KCNK9: variants seen among roughly 807,000 people sequenced by gnomAD.
KCNK9 encodes the protein potassium two pore domain channel subfamily K member 9, also known as potassium channel subfamily K member 9.
KCNK9 carries 1 observed loss-of-function variant against 10.8 expected under a neutral mutation model. The observed-to-expected ratio is 0.09, with a 90% CI of 0.03 to 0.44. The LOEUF (loss-of-function observed/expected upper bound fraction) is 0.44. Among genes scored for constraint, KCNK9 ranks in the 20% least tolerant of loss-of-function variants. The pLI, the probability that KCNK9 is intolerant of heterozygous loss-of-function variation, is 0.97. For missense variants in KCNK9, 303 were observed against 515.0 expected, an observed-to-expected ratio of 0.59 and a Z score of 3.98; for synonymous variants, 231 against 222.7, an observed-to-expected ratio of 1.04 and a Z score of -0.33.
chr8:139,620,035 C>A (rs1164300153), intron 1 of KCNK9, among the ~76,000 whole-genome samples: 2 of 152,206 alleles, frequency 1.3e-5, no homozygotes, highest in East Asian at 3.8e-4. Context: ...CAAGTCAAGA[C>A]TGTATTTCCT....
chr8:139,676,690 C>A (rs1363289194), intron 1 of KCNK9, among the ~76,000 whole-genome samples: 4 of 152,196 alleles, frequency 2.6e-5, no homozygotes, highest in Non-Finnish European at 5.9e-5. Context: ...GTGGCTCACA[C>A]CTGTAATCCC....
intron 1 of KCNK9, among the ~76,000 whole-genome samples, chr8:139,659,393 T>C (rs1479376111): frequency 6.6e-6 from 1 of 152,206 alleles, no homozygotes; most frequent in Non-Finnish European, 1.5e-5. Flanking sequence ...TCAGACACAT[T>C]GATTAAAAAT....
intron 1 of KCNK9, among the ~76,000 whole-genome samples, chr8:139,654,051 C>T (rs971851548): frequency 6.6e-6 from 1 of 152,368 alleles, no homozygotes; most frequent in South Asian, 2.1e-4. Flanking sequence ...CTGACCCCAT[C>T]CCCTGCCTAG....
Position 139,703,042 on chromosome 8 carries a change from CCG to C in KCNK9, c.-52_-51del. On this transcript the variant is annotated 5_prime_UTR_variant, in exon 1 of 2. Coordinates refer to ENST00000520439, the MANE Select transcript of KCNK9 (RefSeq NM_001282534.2). The surrounding 1 kb of genome is among the most constrained non-coding windows in gnomAD (Gnocchi z 6.4). ...GGGGGCATGTCCCGCAGGCTCACAG[CCG>C]CGCGCGTCCCACTGCAGCGCCCGGC... 6.6e-7 allele frequency: 1 copy of C among 1,526,230 alleles called. No individual in the cohort carries two copies. Among genetic ancestry groups the C allele is most frequent in the Non-Finnish European group, 8.8e-7 (1 of 1,140,832 alleles). The allele number at this position is 1,526,230 out of a possible 1,614,324, so 94.5% of individuals were successfully genotyped here.
intron 1 of KCNK9, among the ~76,000 whole-genome samples, chr8:139,694,864 G>T (rs1457236092): frequency 2.0e-5 from 3 of 152,172 alleles, no homozygotes; most frequent in Non-Finnish European, 4.4e-5. Context: ...CCCTGGCCAG[G>T]CTCTTCCATC....
chr8:139,639,724 A>C (rs1202146280), intron 1 of KCNK9, among the ~76,000 whole-genome samples: 1 of 152,116 alleles, frequency 6.6e-6, no homozygotes, highest in Non-Finnish European at 1.5e-5. Context: ...GGGTGACAAG[A>C]CCCCAGCTTC....
intron 1 of KCNK9, among the ~76,000 whole-genome samples, chr8:139,701,003 G>C (rs776726539): frequency 2.0e-5 from 3 of 152,174 alleles, no homozygotes; most frequent in Non-Finnish European, 4.4e-5. Context: ...AACCCTAAAG[G>C]CATGTTTAAG....
rs1814664537 is a variant in KCNK9, at chr8:139,618,376, T to C, written c.1007A>G (p.Glu336Gly). Residue 336 changes from glutamate to glycine, a missense_variant, in exon 2 of 2, where the codon GAG becomes GGG. Around this residue, in one of 5 missense-constraint regions of KCNK9, gnomAD observed 138 missense variants for 161.1 expected, o/e 0.86. Coordinates refer to ENST00000520439, the MANE Select transcript of KCNK9 (RefSeq NM_001282534.2). This position sits in a 1 kb window ranked among gnomAD's most constrained non-coding sequence, Gnocchi z 7.9. ...GTTTTTTAATGTGCTTGGTGAGATC[T>C]CCTCGATCTTGTAAGAGATGGAGTG... ...YFHSISYKIE[E>G]ISPSTLKNSL... 2 of 1,613,994 alleles carry C rather than the reference T, an allele frequency of 1.2e-6. No homozygotes were observed. The highest frequency in any genetic ancestry group is 2.7e-5 in the African/African-American group (2 of 74,892).
At chr8:139,647,609 G>A (rs11781711) in intron 1 of KCNK9, among the ~76,000 whole-genome samples, 70,801 of 152,054 alleles carry the variant, frequency 0.47, 19,889 homozygotes, top group Non-Finnish European at 0.6. Flanking sequence ...GCCAGATGGA[G>A]GAGGGCATAG....
chr8:139,690,344 A>T (rs1034113026), intron 1 of KCNK9, among the ~76,000 whole-genome samples: 1 of 152,180 alleles, frequency 6.6e-6, no homozygotes, highest in Non-Finnish European at 1.5e-5. Flanking sequence ...TGAGATAGTG[A>T]CTGTAAAAAA....
In KCNK9 at chr8:139,639,891, C is replaced by G. The variant is rs1815449824; in HGVS notation, c.284-20792G>C. ...TAACCTCTCTGGGCTCAGGGCCTGCCTCTGCAAGATGCGCTAAGGACCCTA... is the reference window on the plus strand; with the variant it reads ...TAACCTCTCTGGGCTCAGGGCCTGCGTCTGCAAGATGCGCTAAGGACCCTA... On this transcript the variant is annotated intron_variant, in intron 1 of 1. Transcript: ENST00000520439. 2.0e-5 allele frequency among the ~76,000 whole-genome samples: 3 copies of G among 151,950 alleles called. No individual in the cohort carries two copies. The South Asian group carries it at 6.2e-4, about 32-fold the overall frequency.
At position 139,618,087 on chromosome 8, in the gene KCNK9, G is replaced by T; in HGVS notation, c.*171C>A. On this transcript the variant is annotated 3_prime_UTR_variant, in exon 2 of 2. Coordinates refer to ENST00000520439, the MANE Select transcript of KCNK9 (RefSeq NM_001282534.2). The surrounding 1 kb of genome is among the most constrained non-coding windows in gnomAD (Gnocchi z 7.9). Reference sequence around the variant, plus strand: ...TATTTCCCTTTGGCCTGCTCTGTCTGGCTGGAAAGGTGGGGGAAAATGAGA... The same window carrying T: ...TATTTCCCTTTGGCCTGCTCTGTCTTGCTGGAAAGGTGGGGGAAAATGAGA... 1.1e-6 allele frequency: 1 copy of T among 888,280 alleles called. No homozygotes were observed. Among genetic ancestry groups the T allele is most frequent in the Non-Finnish European group, 1.7e-6 (1 of 587,152 alleles). 55.0% of individuals were successfully genotyped at this position (888,280 alleles called of 1,614,324 possible).
At chr8:139,615,935 G>C (rs771961667), downstream of KCNK9, 2 of 152,158 alleles carry the variant, frequency 1.3e-5, no homozygotes, top group African/African-American at 4.8e-5. Context: ...CCAAGGGCCT[G>C]CTGCATGCCC....
chr8:139,685,393 G>A (rs542404789), intron 1 of KCNK9, among the ~76,000 whole-genome samples: 20 of 152,190 alleles, frequency 1.3e-4, no homozygotes, highest in South Asian at 6.2e-4. Context: ...TCAACTCGTC[G>A]TTTACATTAG....
chr8:139,694,291 C>G (rs1197003135), intron 1 of KCNK9, among the ~76,000 whole-genome samples: 2 of 152,226 alleles, frequency 1.3e-5, no homozygotes, highest in Non-Finnish European at 2.9e-5. Flanking sequence ...CACAACAAAG[C>G]TGCCACTCAC....
intron 1 of KCNK9, among the ~76,000 whole-genome samples, chr8:139,696,521 T>C (rs1210829475): frequency 6.6e-6 from 1 of 152,138 alleles, no homozygotes; most frequent in Non-Finnish European, 1.5e-5. Context: ...CTGTGCCTGC[T>C]CACCACCGTG....
intron 1 of KCNK9, among the ~76,000 whole-genome samples, chr8:139,695,880 T>A (rs549889767): frequency 9.9e-5 from 15 of 152,178 alleles, no homozygotes; most frequent in Non-Finnish European, 2.1e-4. Context: ...AGCTGCTTGC[T>A]ACAGTCTGAG....
rs570410914 is a variant in KCNK9, at chr8:139,647,245, G to A, written c.284-28146C>T. ...GGTAGAGAAGCTCTGAAGGTCCCAG[G>A]CTCCCCATTGCCAGGAGCCTGGGGG... On this transcript the variant is annotated intron_variant, in intron 1 of 1. Coordinates refer to ENST00000520439, the MANE Select transcript of KCNK9 (RefSeq NM_001282534.2). Among the ~76,000 whole-genome samples, 3 of 152,322 alleles carry A rather than the reference G, an allele frequency of 2.0e-5. No individual in the cohort carries two copies. In the East Asian group the frequency reaches 5.8e-4, roughly 29 times the overall value.
rs552248689 is a variant in KCNK9, at chr8:139,630,334, G to A, written c.284-11235C>T. ...GCTTTGTGGGCGCTGGAAGGAACGG[G>A]TCTGCTCGCAGGGGCTTGCTACTGG... On this transcript the variant is annotated intron_variant, in intron 1 of 1. Coordinates refer to ENST00000520439, the MANE Select transcript of KCNK9 (RefSeq NM_001282534.2). Among the ~76,000 whole-genome samples, 237 of 152,320 alleles carry A rather than the reference G, an allele frequency of 1.6e-3. 1 individual carries two copies. Among genetic ancestry groups the A allele is most frequent in the Non-Finnish European group, 2.4e-3 (162 of 68,022 alleles).
Sources: gnomAD v4.1 joint callset for allele counts (sites outside exome capture counted in the v4.1 genomes callset) on GRCh38, gnomAD v4.1.1 for gene constraint, gnomAD v4.1.1 regional missense constraint, Gnocchi (gnomAD v3.1) non-coding constraint, MANE v1.5 for transcripts, NCBI Gene and HGNC (gene_info 2026-07-23, HGNC 2026-07-21) for gene names.